IMMP2L: variants seen among roughly 807,000 people sequenced by gnomAD.
IMMP2L encodes the protein inner mitochondrial membrane peptidase subunit 2, also known as mitochondrial inner membrane protease subunit 2.
Under a neutral mutation model 19.3 loss-of-function variants are expected in IMMP2L, and 18 were observed. The observed-to-expected ratio is 0.93, with a 90% CI of 0.64 to 1.38. IMMP2L has a LOEUF of 1.38. Ranked by LOEUF, IMMP2L falls within the 40% of genes most tolerant of loss-of-function variation. IMMP2L has a pLI of 0.00. For missense variants in IMMP2L, 233 were observed against 218.2 expected, an observed-to-expected ratio of 1.07 and a Z score of -0.43; for synonymous variants, 76 against 73.0, an observed-to-expected ratio of 1.04 and a Z score of -0.21.
chr7:111,443,845 TA>T (rs778090441), intron 3 of IMMP2L, among the ~76,000 whole-genome samples: 3 of 152,076 alleles, frequency 2.0e-5, no homozygotes, highest in Non-Finnish European at 4.4e-5. Context: ...GGTGGAAAGT[TA>T]AAAAAGAAGG....
At chr7:110,929,277 C>T (rs183808852) in intron 4 of IMMP2L, among the ~76,000 whole-genome samples, 1 of 152,244 alleles carries the variant, frequency 6.6e-6, no homozygotes, top group Admixed American at 6.5e-5. Flanking sequence ...GAATGGTTGG[C>T]ATTTAATGCT....
chr7:111,479,401 C>A (rs1297127657), intron 3 of IMMP2L, among the ~76,000 whole-genome samples: 3 of 152,084 alleles, frequency 2.0e-5, no homozygotes, highest in African/African-American at 7.2e-5. Context: ...CATTTACAGC[C>A]AGAAATAGAA....
chr7:111,026,138 A>G (rs1425038252), intron 3 of IMMP2L, among the ~76,000 whole-genome samples: 1 of 152,152 alleles, frequency 6.6e-6, no homozygotes, highest in Admixed American at 6.6e-5. Context: ...ATTTGGTAAA[A>G]CTAAGTCTAT....
At chr7:111,062,385 T>C (rs1794099532) in intron 3 of IMMP2L, among the ~76,000 whole-genome samples, 2 of 152,138 alleles carry the variant, frequency 1.3e-5, no homozygotes. Flanking sequence ...CTCACCAAGT[T>C]TCTCCCATGA....
intron 2 of IMMP2L, among the ~76,000 whole-genome samples, chr7:111,487,948 C>G (rs560899997): frequency 1.3e-5 from 2 of 152,216 alleles, no homozygotes; most frequent in Admixed American, 1.3e-4. Context: ...TCAGAGAAGT[C>G]TAACTGTGCC....
rs368146180 is a variant in IMMP2L at position 110,748,952 on chromosome 7, G to A, written c.409-85231C>T. On this transcript the variant is annotated intron_variant, in intron 5 of 5. Coordinates refer to ENST00000405709, the MANE Select transcript of IMMP2L (RefSeq NM_032549.4). ...CACAGCAATAGAAACTATCATCAGCGTGAACAGCCAACCTACAGAATGGGA... is the reference window on the plus strand; with the variant it reads ...CACAGCAATAGAAACTATCATCAGCATGAACAGCCAACCTACAGAATGGGA... 1.1e-4 allele frequency among the ~76,000 whole-genome samples: 17 copies of A among 152,278 alleles called. No individual in the cohort carries two copies. The East Asian group carries it at 2.5e-3, about 22-fold the overall frequency.
At chr7:111,518,891 T>C (rs1724748839) in intron 2 of IMMP2L, among the ~76,000 whole-genome samples, 1 of 152,138 alleles carries the variant, frequency 6.6e-6, no homozygotes, top group Non-Finnish European at 1.5e-5. Flanking sequence ...CTCTAGGAAA[T>C]GTCACCTGTA....
At chr7:111,318,171 A>G (rs1053829235) in intron 3 of IMMP2L, among the ~76,000 whole-genome samples, 1 of 152,204 alleles carries the variant, frequency 6.6e-6, no homozygotes, top group Non-Finnish European at 1.5e-5. Context: ...AAAAAGTTAA[A>G]GAGTGAAGGA....
chr7:110,915,023 A>G (rs1298323738), intron 4 of IMMP2L, among the ~76,000 whole-genome samples: 1 of 146,584 alleles, frequency 6.8e-6, no homozygotes, highest in African/African-American at 2.5e-5. Context: ...TATGGAGAAC[A>G]GAATGGCGGT....
At chr7:110,934,206 G>A (rs1279188825) in intron 4 of IMMP2L, among the ~76,000 whole-genome samples, 1 of 152,126 alleles carries the variant, frequency 6.6e-6, no homozygotes, top group Non-Finnish European at 1.5e-5. Context: ...CTGAGAGACT[G>A]CTTGTTATGA....
In IMMP2L at chr7:111,467,284, T is replaced by C. The variant is rs373228068; in HGVS notation, c.239+19954A>G. 2.0e-4 allele frequency among the ~76,000 whole-genome samples: 30 copies of C among 152,296 alleles called. No homozygotes were observed. In the South Asian group the frequency reaches 6.0e-3, roughly 30 times the overall value. On this transcript the variant is annotated intron_variant, in intron 3 of 5. Coordinates refer to ENST00000405709, the MANE Select transcript of IMMP2L (RefSeq NM_032549.4). The stretch of plus-strand genomic sequence containing the variant: ...CTATTGGAAAGATTAAATGAGGTAA[T>C]ATATGTAAAGTATTTAGAACAATTC...
chr7:111,306,649 T>TCC (rs1822910965), intron 3 of IMMP2L, among the ~76,000 whole-genome samples: 1 of 142,368 alleles, frequency 7.0e-6, no homozygotes, highest in Non-Finnish European at 1.5e-5. Context: ...TGTGTGTGTG[T>TCC]GTGTGTCCAG....
chr7:111,555,591 T>C (rs61515603), intron 1 of IMMP2L, among the ~76,000 whole-genome samples: 1 of 152,030 alleles, frequency 6.6e-6, no homozygotes, highest in Admixed American at 6.5e-5. Context: ...AGCAGTGATA[T>C]GATTTCACTA....
At chr7:111,317,940 A>T (rs1824282761) in intron 3 of IMMP2L, among the ~76,000 whole-genome samples, 1 of 152,168 alleles carries the variant, frequency 6.6e-6, no homozygotes, top group Non-Finnish European at 1.5e-5. Context: ...TTACTTAAGA[A>T]AAAATACCAA....
chr7:111,151,163 A>G (rs1804028622), intron 3 of IMMP2L, among the ~76,000 whole-genome samples: 1 of 152,242 alleles, frequency 6.6e-6, no homozygotes, highest in Non-Finnish European at 1.5e-5. Context: ...GTACCTGAGC[A>G]TAAAGAAAGT....
intron 4 of IMMP2L, among the ~76,000 whole-genome samples, chr7:110,887,162 A>C (rs1195986253): frequency 6.6e-6 from 1 of 152,116 alleles, no homozygotes; most frequent in African/African-American, 2.4e-5. Context: ...TTAATACTCT[A>C]AATTTTAGCA....
At chr7:111,225,671 T>G (rs1298857305) in intron 3 of IMMP2L, among the ~76,000 whole-genome samples, 1 of 126,132 alleles carries the variant, frequency 7.9e-6, no homozygotes, top group Non-Finnish European at 1.6e-5. Context: ...CCTTTTCCAG[T>G]CAAAATGGTG....
intron 3 of IMMP2L, among the ~76,000 whole-genome samples, chr7:111,485,575 G>A (rs1372990090): frequency 3.8e-5 from 4 of 104,066 alleles, no homozygotes; most frequent in Non-Finnish European, 6.8e-5. Flanking sequence ...TCCAGCCTGC[G>A]CAACAGAGCG....
At chr7:111,313,930 G>T (rs1364229612) in intron 3 of IMMP2L, among the ~76,000 whole-genome samples, 1 of 152,080 alleles carries the variant, frequency 6.6e-6, no homozygotes, top group Non-Finnish European at 1.5e-5. Flanking sequence ...CTTTGTGATA[G>T]TGAGTTCTCG....
Sources: gnomAD v4.1 joint callset for allele counts (sites outside exome capture counted in the v4.1 genomes callset) on GRCh38, gnomAD v4.1.1 for gene constraint, MANE v1.5 for transcripts, NCBI Gene and HGNC (gene_info 2026-07-23, HGNC 2026-07-21) for gene names.